GRHL2: variants seen among roughly 807,000 people sequenced by gnomAD.
The protein encoded by GRHL2 is grainyhead like transcription factor 2, also known as grainyhead-like protein 2 homolog.
A neutral mutation model predicts 83.8 loss-of-function variants in GRHL2; 21 were observed. The observed-to-expected ratio is 0.25, with a 90% CI of 0.18 to 0.36. The LOEUF (loss-of-function observed/expected upper bound fraction) is 0.36, where lower values mean the gene tolerates loss of function less well. GRHL2 is among the 10% of genes least tolerant of loss of function. The pLI, the probability that GRHL2 is intolerant of heterozygous loss-of-function variation, is 1.00. For missense variants in GRHL2, 623 were observed against 781.8 expected (o/e 0.80, Z 2.42); for synonymous variants, 280 against 278.9 (o/e 1.00, Z -0.04).
At chr8:101,617,657 A>G (rs1459454381) in intron 8 of GRHL2, among the ~76,000 whole-genome samples, 1 of 152,130 alleles carries the variant, frequency 6.6e-6, no homozygotes. Flanking sequence ...GGGATGCACC[A>G]CCACACTCGG....
intron 11 of GRHL2, among the ~76,000 whole-genome samples, chr8:101,632,738 A>G (rs943376154): frequency 5.3e-5 from 8 of 152,234 alleles, no homozygotes; most frequent in African/African-American, 1.9e-4. Flanking sequence ...TAACTGCATA[A>G]AGTTGCACAA....
intron 12 of GRHL2, among the ~76,000 whole-genome samples, chr8:101,638,478 A>G (rs1002124172): frequency 9.2e-5 from 14 of 152,246 alleles, no homozygotes; most frequent in Admixed American, 8.5e-4. Flanking sequence ...CAATTTGTTT[A>G]TGTATTGTCT....
In GRHL2 at chr8:101,668,321, C is replaced by CTCTT. The variant is rs1193197393; in HGVS notation, c.*1619_*1622dup. The stretch of plus-strand genomic sequence containing the variant: ...CAGATTTGTTTGTAAAGCACTTTGA[C>CTCTT]TCTTACCTGGAGGCCCGCTCTCTAA... On this transcript the variant is annotated 3_prime_UTR_variant, in exon 16 of 16. Transcript: ENST00000646743. The CTCTT allele has an allele frequency of 2.0e-5, 3 of 150,318 alleles. No homozygotes were observed. The highest frequency in any genetic ancestry group is 4.4e-5 in the Non-Finnish European group (3 of 68,084). The allele number at this position is 150,318 out of a possible 1,614,324, so 9.3% of individuals were successfully genotyped here.
intron 11 of GRHL2, among the ~76,000 whole-genome samples, chr8:101,635,687 C>T (rs558526020): frequency 6.6e-6 from 1 of 152,288 alleles, no homozygotes; most frequent in Non-Finnish European, 1.5e-5. Context: ...CTGAATGCCA[C>T]ACTGAGACTT....
At chr8:101,542,448 G>T in intron 1 of GRHL2, among the ~76,000 whole-genome samples, 1 of 151,876 alleles carries the variant, frequency 6.6e-6, no homozygotes, top group East Asian at 1.9e-4. Context: ...CCACTTACTT[G>T]GGAGGCTGAG....
chr8:101,578,280 C>G (rs979169401), intron 7 of GRHL2, among the ~76,000 whole-genome samples: 1 of 152,190 alleles, frequency 6.6e-6, no homozygotes, highest in Non-Finnish European at 1.5e-5. Flanking sequence ...CCAGCAGGAG[C>G]TGGGACCACA....
chr8:101,631,862 G>A (rs1463412544), intron 10 of GRHL2, 138 bp downstream of exon 10: 2 of 753,950 alleles, frequency 2.7e-6, no homozygotes, highest in Non-Finnish European at 4.8e-6. Context: ...TGGCAGTGGA[G>A]ACAGGGTGAT....
intron 2 of GRHL2, among the ~76,000 whole-genome samples, chr8:101,544,745 A>G (rs1324867275): frequency 1.3e-5 from 2 of 152,244 alleles, no homozygotes; most frequent in African/African-American, 2.4e-5. Context: ...AAAACCACAG[A>G]GTTCAGCAAA....
chr8:101,656,128 C>T (rs1413475898), intron 14 of GRHL2, among the ~76,000 whole-genome samples: 1 of 152,198 alleles, frequency 6.6e-6, no homozygotes, highest in Non-Finnish European at 1.5e-5. Flanking sequence ...CACCACTTGA[C>T]GTAGTTATAT....
intron 1 of GRHL2, among the ~76,000 whole-genome samples, chr8:101,507,898 C>A (rs1192846809): frequency 7.4e-6 from 1 of 135,886 alleles, no homozygotes; most frequent in African/African-American, 3.2e-5. Flanking sequence ...GTGCCTTAGC[C>A]TCTTGAATCT....
chr8:101,673,855 G>A (rs7829633), downstream of GRHL2, among the ~76,000 whole-genome samples: 41,741 of 151,742 alleles, frequency 0.28, 6,275 homozygotes, highest in African/African-American at 0.38. Flanking sequence ...ATAACAAACT[G>A]TCTCTCAGAC....
intron 12 of GRHL2, among the ~76,000 whole-genome samples, chr8:101,638,257 A>T (rs113588498): frequency 3.9e-5 from 6 of 152,204 alleles, no homozygotes; most frequent in African/African-American, 1.4e-4. Context: ...GATATTGCTG[A>T]GTTTATTCCT....
chr8:101,571,818 G>A lies in GRHL2; in HGVS notation c.734+1424G>A, dbSNP rs145830821. ...GGGGCAGGAAGCGGGAGGCAAGGAA[G>A]AATGGACTTGAAATTGCCTTCTAAA... On this transcript the variant is annotated intron_variant, in intron 5 of 15. Coordinates refer to ENST00000646743, the MANE Select transcript of GRHL2 (RefSeq NM_024915.4). Among the ~76,000 whole-genome samples, 514 of 152,276 alleles carry A rather than the reference G, an allele frequency of 3.4e-3. 5 individuals are homozygous for A. The Middle Eastern group carries it at 0.037, about 11-fold the overall frequency.
At chr8:101,499,806 G>A (rs1014939467) in intron 1 of GRHL2, among the ~76,000 whole-genome samples, 1 of 152,112 alleles carries the variant, frequency 6.6e-6, no homozygotes, top group African/African-American at 2.4e-5. Flanking sequence ...GGCCAGGCGC[G>A]GTGGCTCATG....
chr8:101,602,342 T>TCAGGATGCTC (rs1812534557), intron 8 of GRHL2, among the ~76,000 whole-genome samples: 2 of 152,024 alleles, frequency 1.3e-5, no homozygotes, highest in African/African-American at 4.8e-5. Context: ...TGTGGACTTA[T>TCAGGATGCTC]CTATCAGGAG....
Position 101,577,286 on chromosome 8 carries a change from C to A in GRHL2, c.892-122C>A. On this transcript the variant is annotated intron_variant, in intron 6 of 15. Coordinates refer to ENST00000646743, the MANE Select transcript of GRHL2 (RefSeq NM_024915.4). ...GACCATACAGCCAAGCTTGTCTGGG[C>A]TTTTCTAAAGCAAGAAAAGCAACAT... is the stretch of plus-strand genomic sequence containing the variant. The A allele has an allele frequency of 4.2e-6, 3 of 720,710 alleles. No homozygotes were observed. In the South Asian group the frequency reaches 4.4e-5, roughly 11 times the overall value. The allele number at this position is 720,710 out of a possible 1,614,324, so 44.6% of individuals were successfully genotyped here.
chr8:101,571,490 T>TAAAAA (rs55827087), intron 5 of GRHL2, among the ~76,000 whole-genome samples: 2 of 131,362 alleles, frequency 1.5e-5, no homozygotes, highest in Admixed American at 7.8e-5. Flanking sequence ...CCCCATTACA[T>TAAAAA]AAAAAAAAAA....
chr8:101,543,518 T>C (rs748743115), intron 2 of GRHL2, 82 bp downstream of exon 2: 1 of 1,343,802 alleles, frequency 7.4e-7, no homozygotes, highest in Non-Finnish European at 1.1e-6. Context: ...AGATTGTTTG[T>C]CCCAGGCCAG....
intron 12 of GRHL2, among the ~76,000 whole-genome samples, chr8:101,643,568 C>G (rs1244454036): frequency 6.6e-6 from 1 of 152,146 alleles, no homozygotes; most frequent in African/African-American, 2.4e-5. Flanking sequence ...CCTGGGCAGC[C>G]AAGGTCTGAG....
Sources: gnomAD v4.1 joint callset for allele counts (sites outside exome capture counted in the v4.1 genomes callset) on GRCh38, gnomAD v4.1.1 for gene constraint, MANE v1.5 for transcripts, NCBI Gene and HGNC (gene_info 2026-07-23, HGNC 2026-07-21) for gene names.